Variants in RNF220 observed in about 807,000 individuals in gnomAD.
RNF220 encodes the protein E3 ubiquitin-protein ligase RNF220.
Under a neutral mutation model 67.1 loss-of-function variants are expected in RNF220, and 7 were observed. The observed-to-expected ratio is 0.10, with a 90% CI of 0.06 to 0.20. The LOEUF is 0.20. Ranked by LOEUF, RNF220 falls within the 10% of genes least tolerant of loss-of-function variation. The pLI is 1.00. For missense variants in RNF220, 565 were observed against 740.3 expected, an observed-to-expected ratio of 0.76 and a Z score of 2.75; for synonymous variants, 270 against 283.2, an observed-to-expected ratio of 0.95 and a Z score of 0.47.
chr1:44,528,435 G>A (rs1660568978), intron 2 of RNF220, among the ~76,000 whole-genome samples: 1 of 151,918 alleles, frequency 6.6e-6, no homozygotes, highest in Non-Finnish European at 1.5e-5. Flanking sequence ...CCAGCAGCTG[G>A]GACTACAGGC....
At chr1:44,631,935 C>G in intron 5 of RNF220, 1 of 988,802 alleles carries the variant, frequency 1.0e-6, no homozygotes. Flanking sequence ...GAACTTTCAC[C>G]CCCAGCGCGC....
At chr1:44,635,444 A>G (rs377165295) in intron 6 of RNF220, 101 bp from the exon 7 acceptor site, 104 of 1,525,096 alleles carry the variant, frequency 6.8e-5, no homozygotes, top group South Asian at 1.6e-4. Context: ...AAAAAGGCCA[A>G]TGGCTGGCAA....
rs1666876898 is a variant in RNF220 at position 44,600,908 on chromosome 1, A to C, written c.626-13257A>C. Among the ~76,000 whole-genome samples the C allele has an allele frequency of 6.6e-6, 1 of 152,064 alleles. No individual in the cohort carries two copies. The highest frequency in any genetic ancestry group is 6.5e-5 in the Admixed American group (1 of 15,276). On this transcript the variant is annotated intron_variant, in intron 2 of 14. Transcript: ENST00000361799. This position sits in a 1 kb window ranked among gnomAD's most constrained non-coding sequence, Gnocchi z 4.0. The stretch of plus-strand genomic sequence containing the variant: ...CTTCTTCCTCATCTCTTCAACAAGT[A>C]CTTATCTATCACACCTCAGCTTGTG...
At chr1:44,595,363 C>T (rs1334652273) in intron 2 of RNF220, among the ~76,000 whole-genome samples, 1 of 152,206 alleles carries the variant, frequency 6.6e-6, no homozygotes, top group Non-Finnish European at 1.5e-5. Flanking sequence ...ACGCCCGGGC[C>T]CTGTGGTCCA....
chr1:44,424,686 C>T (rs532111718), intron 2 of RNF220, among the ~76,000 whole-genome samples: 127 of 152,314 alleles, frequency 8.3e-4, no homozygotes, highest in African/African-American at 2.8e-3. Context: ...CCACCTGTCC[C>T]GGCTCCCCCT....
chr1:44,520,151 G>A (rs372636085), intron 2 of RNF220, among the ~76,000 whole-genome samples: 1 of 151,282 alleles, frequency 6.6e-6, no homozygotes, highest in African/African-American at 2.4e-5. Context: ...GAGAGAAAGA[G>A]AGAGATTGTA....
intron 2 of RNF220, among the ~76,000 whole-genome samples, chr1:44,590,151 G>C (rs961117042): frequency 1.3e-5 from 2 of 152,180 alleles, no homozygotes; most frequent in African/African-American, 4.8e-5. Context: ...CTGAGCCAAG[G>C]AGCAGGCTGG....
At chr1:44,536,946 C>A (rs577239396) in intron 2 of RNF220, among the ~76,000 whole-genome samples, 27 of 152,246 alleles carry the variant, frequency 1.8e-4, no homozygotes, top group African/African-American at 6.5e-4. Context: ...CCAGGCCCCT[C>A]GCTCCCTGCA....
intron 2 of RNF220, among the ~76,000 whole-genome samples, chr1:44,536,164 A>G (rs898668832): frequency 6.6e-5 from 10 of 152,102 alleles, no homozygotes; most frequent in Admixed American, 1.3e-4. Context: ...GCTGTCTGGG[A>G]AAGTCAGAGC....
At chr1:44,500,904 CA>C (rs1557986422) in intron 2 of RNF220, among the ~76,000 whole-genome samples, 1 of 152,214 alleles carries the variant, frequency 6.6e-6, no homozygotes, top group Non-Finnish European at 1.5e-5. Flanking sequence ...GCTCGGGAGC[CA>C]GGGGCGAAGC....
intron 2 of RNF220, among the ~76,000 whole-genome samples, chr1:44,413,112 G>C (rs533282557): frequency 6.6e-6 from 1 of 152,070 alleles, no homozygotes; most frequent in Non-Finnish European, 1.5e-5. Context: ...TGCTGTCCTC[G>C]TTATGTTTGT....
intron 1 of RNF220, among the ~76,000 whole-genome samples, chr1:44,408,508 TA>T (rs564691082): frequency 6.6e-6 from 1 of 151,654 alleles, no homozygotes; most frequent in Non-Finnish European, 1.5e-5. Flanking sequence ...TCTGTGAACT[TA>T]AAAAAAAAAT....
chr1:44,496,168 A>T (rs1028524175), intron 2 of RNF220, among the ~76,000 whole-genome samples: 1 of 152,122 alleles, frequency 6.6e-6, no homozygotes, highest in African/African-American at 2.4e-5. Context: ...GGACAGGGGG[A>T]CCATCCTCCA....
chr1:44,482,311 T>A (rs1655889789), intron 2 of RNF220, among the ~76,000 whole-genome samples: 1 of 152,102 alleles, frequency 6.6e-6, no homozygotes, highest in Non-Finnish European at 1.5e-5. Context: ...CCTGGTCTAG[T>A]CTGGATCCCT....
At chr1:44,628,536 C>T (rs1369666724) in intron 5 of RNF220, among the ~76,000 whole-genome samples, 6 of 152,282 alleles carry the variant, frequency 3.9e-5, no homozygotes, top group East Asian at 1.9e-4. Context: ...AGCACACCTC[C>T]GAAAGGGCAA....
intron 2 of RNF220, among the ~76,000 whole-genome samples, chr1:44,558,699 T>G (rs12128786): frequency 0.039 from 5,998 of 152,218 alleles, 244 homozygotes; most frequent in East Asian, 0.16. Flanking sequence ...TTTACGGAGC[T>G]AGAATTCAGA....
intron 2 of RNF220, among the ~76,000 whole-genome samples, chr1:44,432,003 G>A (rs1451527533): frequency 1.4e-4 from 21 of 152,154 alleles, no homozygotes; most frequent in Non-Finnish European, 2.9e-5. Flanking sequence ...TTGAAAAGAG[G>A]GATCCTCTGT....
chr1:44,513,793 CGT>C (rs1659231855), intron 2 of RNF220, among the ~76,000 whole-genome samples: 4 of 152,144 alleles, frequency 2.6e-5, no homozygotes, highest in Admixed American at 2.6e-4. Flanking sequence ...CATGTGTGCG[CGT>C]GTGTCTGTGT....
At chr1:44,530,866 G>A (rs994601569) in intron 2 of RNF220, among the ~76,000 whole-genome samples, 3 of 152,116 alleles carry the variant, frequency 2.0e-5, no homozygotes, top group African/African-American at 4.8e-5. Flanking sequence ...GGGAAGCTGA[G>A]GCAGGAGAAT....
Sources: gnomAD v4.1 joint callset for allele counts (sites outside exome capture counted in the v4.1 genomes callset) on GRCh38, gnomAD v4.1.1 for gene constraint, Gnocchi (gnomAD v3.1) non-coding constraint, MANE v1.5 for transcripts, NCBI Gene and HGNC (gene_info 2026-07-23, HGNC 2026-07-21) for gene names.